The following SMCHD1 variants were observed in gnomAD, a reference collection of about 807,000 sequenced individuals.
SMCHD1 encodes the protein structural maintenance of chromosomes flexible hinge domain containing 1.
SMCHD1 carries 78 observed loss-of-function variants against 254.7 expected under a neutral mutation model. The ratio of observed to expected loss-of-function variants is 0.31; its 90% CI spans 0.26 to 0.37. The LOEUF (loss-of-function observed/expected upper bound fraction) is 0.37. Among genes scored for constraint, SMCHD1 ranks in the 10% least tolerant of loss-of-function variants. The probability of loss-of-function intolerance (pLI) is 1.00; values close to 1 mark genes in which losing one functional copy is unlikely to be tolerated. For synonymous variants in SMCHD1, 766 were observed against 794.9 expected (o/e 0.96, Z 0.61); for missense variants, 1,840 against 2,408.1 (o/e 0.76, Z 4.94).
intron 29 of SMCHD1, among the ~76,000 whole-genome samples, chr18:2,745,070 T>C (rs2075425522): frequency 6.6e-6 from 1 of 152,242 alleles, no homozygotes; most frequent in Non-Finnish European, 1.5e-5. Flanking sequence ...CTCAAACTCC[T>C]GACCTCAGGC....
intron 34 of SMCHD1, among the ~76,000 whole-genome samples, chr18:2,754,653 AGTGCAGTGGTTT>A (rs1053598487): frequency 6.6e-6 from 1 of 152,172 alleles, no homozygotes; most frequent in Non-Finnish European, 1.5e-5. Flanking sequence ...AAACCATATT[AGTGCAGTGGTTT>A]AGGCAATGTG....
At chr18:2,797,930 A>G (rs1367396701) in intron 47 of SMCHD1, among the ~76,000 whole-genome samples, 6 of 152,212 alleles carry the variant, frequency 3.9e-5, no homozygotes, top group Admixed American at 3.9e-4. Context: ...AAAAAAAGAA[A>G]GAAAATAGGG....
chr18:2,775,783 C>G lies in SMCHD1; in HGVS notation c.5225C>G (p.Ser1742Cys). The G allele has an allele frequency of 6.2e-7, 1 of 1,613,468 alleles. No homozygotes were observed. The highest frequency in any genetic ancestry group is 8.5e-7 in the Non-Finnish European group (1 of 1,179,696). The change falls in exon 42 of 48, where the codon TCT (serine) becomes TGT (cysteine). Residue 1742 changes from serine (S) to cysteine (C), a missense_variant. This residue lies in a region of SMCHD1 where 114 missense variants were observed against 217.6 expected (regional missense o/e 0.52). Transcript: ENST00000320876. Reference sequence around the variant, plus strand: ...GATGATAGAGCTGCGATGGTTATTTCTTGGCATCTGGCAAGTGACATGGAC... The same window carrying G: ...GATGATAGAGCTGCGATGGTTATTTGTTGGCATCTGGCAAGTGACATGGAC... ...IEDDRAAMVI[S>C]WHLASDMDCV... is the part of the protein sequence containing the mutation.
At chr18:2,780,852 T>A (rs2076147023) in intron 44 of SMCHD1, among the ~76,000 whole-genome samples, 1 of 152,180 alleles carries the variant, frequency 6.6e-6, no homozygotes. Context: ...CACAGTGCAC[T>A]GAGGGTTATA....
chr18:2,673,354 G>T lies in SMCHD1; in HGVS notation c.498G>T (p.Gln166His). ...GTAACATTGGGGTTAGAAGAATACA[G>T]ATCAAATTGGTAAGGAAATAATACT... ...TSRNIGVRRI[Q>H]IKLLFDETQG... is the part of the protein sequence containing the mutation. The change falls in exon 4 of 48, where the codon CAG becomes CAT. Residue 166 changes from glutamine to histidine, a missense_variant. Physicochemically the swap from Gln to His is conservative, Grantham distance 24. Coordinates refer to ENST00000320876, the MANE Select transcript of SMCHD1 (RefSeq NM_015295.3). 6.6e-7 allele frequency: 1 copy of T among 1,525,920 alleles called. No individual in the cohort carries two copies. The highest frequency in any genetic ancestry group is 8.9e-7 in the Non-Finnish European group (1 of 1,124,188). The allele number at this position is 1,525,920 out of a possible 1,614,324, so 94.5% of individuals were successfully genotyped here. A position where few individuals can be genotyped will look rare whatever the true frequency, so the allele number is the denominator to read the frequency against.
chr18:2,668,486 C>T (rs2073500003), intron 3 of SMCHD1, among the ~76,000 whole-genome samples: 1 of 152,064 alleles, frequency 6.6e-6, no homozygotes, highest in East Asian at 1.9e-4. Flanking sequence ...GTAGTGGAGC[C>T]AGCATTTAAA....
Position 2,762,125 on chromosome 18 carries a change from T to G in SMCHD1, c.4455T>G (p.Pro1485=). The change falls in exon 36 of 48, where the codon CCT becomes CCG. Residue 1485 remains proline (P), a synonymous_variant. Transcript: ENST00000320876. ...NSEQVIVEVL[P]NQPVKLVPKI... is the part of the protein sequence containing the mutation. ...GTAAGGTTATAGTTGAAGTCCTGCCTAATCAACCTGTGAAGTTAGTACCTA... is the reference window on the plus strand; with the variant it reads ...GTAAGGTTATAGTTGAAGTCCTGCCGAATCAACCTGTGAAGTTAGTACCTA... 1 of 1,613,578 alleles carries G rather than the reference T, an allele frequency of 6.2e-7. No homozygotes were observed. The highest frequency in any genetic ancestry group is 8.5e-7 in the Non-Finnish European group (1 of 1,179,560).
Position 2,729,351 on chromosome 18 carries a change from C to T in SMCHD1, c.2990C>T (p.Ala997Val). The change falls in exon 24 of 48, where the codon GCA becomes GTA. Residue 997 changes from alanine to valine, a missense_variant. Physicochemically the swap from Ala to Val is moderately conservative, Grantham distance 64 (BLOSUM62 0). Coordinates refer to ENST00000320876, the MANE Select transcript of SMCHD1 (RefSeq NM_015295.3). ...GGAACCAGTATTTTAACAGGATCTG[C>T]AATTCAAGTTCAGAATATTAAAAAA... ...SSGTSILTGS[A>V]IQVQNIKKDQ... 6.4e-7 allele frequency: 1 copy of T among 1,557,404 alleles called. No individual in the cohort carries two copies. The highest frequency in any genetic ancestry group is 8.7e-7 in the Non-Finnish European group (1 of 1,150,658).
intron 5 of SMCHD1, among the ~76,000 whole-genome samples, chr18:2,684,699 C>CTGTGTGTGTGTG (rs1568133305): frequency 3.6e-4 from 11 of 30,264 alleles, no homozygotes; most frequent in Non-Finnish European, 1.0e-3. Context: ...ATTGCAGATT[C>CTGTGTGTGTGTG]AGTGTGTGTG....
At chr18:2,687,899 G>C (rs2074088237) in intron 5 of SMCHD1, among the ~76,000 whole-genome samples, 1 of 152,118 alleles carries the variant, frequency 6.6e-6, no homozygotes, top group African/African-American at 2.4e-5. Context: ...TGTCCCCGGA[G>C]ACTTTGCCTA....
intron 17 of SMCHD1, among the ~76,000 whole-genome samples, chr18:2,708,867 C>CATATATATATATATATATATATATAT (rs763226355): frequency 1.2e-4 from 1 of 8,294 alleles, no homozygotes; most frequent in African/African-American, 4.0e-4. Context: ...TCAATAACTT[C>CATATATATATATATATATATATATAT]ATATATATAT....
At chr18:2,734,440 C>A (rs1442140485) in intron 25 of SMCHD1, among the ~76,000 whole-genome samples, 1 of 152,058 alleles carries the variant, frequency 6.6e-6, no homozygotes, top group Non-Finnish European at 1.5e-5. Context: ...CTGTGCACTT[C>A]TTCATTGACA....
chr18:2,769,624 T>C (rs983844152), intron 37 of SMCHD1, 70 bp from the exon 38 acceptor site: 65 of 1,478,810 alleles, frequency 4.4e-5, no homozygotes, highest in Non-Finnish European at 5.4e-5. Flanking sequence ...TAATGAGTTA[T>C]GTAACATTTA....
chr18:2,763,866 T>C, intron 37 of SMCHD1, 77 bp downstream of exon 37: 1 of 1,320,800 alleles, frequency 7.6e-7, no homozygotes. Context: ...ACACCTTTTC[T>C]TTTGTATAGC....
Position 2,775,937 on chromosome 18 carries a change from T to C in SMCHD1, c.5366+13T>C. ...CAGATTGGAAAAGGTTAGAAAAAAG[T>C]GAAAGTAATTTTTTTTCTGAAATAT... On this transcript the variant is annotated intron_variant, in intron 42 of 47. Transcript: ENST00000320876. 6.5e-7 allele frequency: 1 copy of C among 1,549,784 alleles called. No homozygotes were observed. The highest frequency in any genetic ancestry group is 8.6e-7 in the Non-Finnish European group (1 of 1,157,378).
At chr18:2,782,274 TAGTG>T (rs915038112) in intron 44 of SMCHD1, among the ~76,000 whole-genome samples, 3 of 152,174 alleles carry the variant, frequency 2.0e-5, no homozygotes, top group Non-Finnish European at 4.4e-5. Context: ...ATAGTGTACT[TAGTG>T]AGGTAGAATC....
At chr18:2,770,209 G>A (rs2075953267) in intron 39 of SMCHD1, 101 bp downstream of exon 39, 1 of 1,194,602 alleles carries the variant, frequency 8.4e-7, no homozygotes, top group East Asian at 2.8e-5. Flanking sequence ...TAAATTACAA[G>A]TAAAATACAG....
intron 5 of SMCHD1, among the ~76,000 whole-genome samples, chr18:2,686,295 A>G (rs1377405632): frequency 6.6e-6 from 1 of 152,202 alleles, no homozygotes; most frequent in Non-Finnish European, 1.5e-5. Context: ...TGCTGCTGGA[A>G]CATTTCAGAT....
At position 2,780,126 on chromosome 18, in the gene SMCHD1, G is replaced by A. The variant is rs141155362; in HGVS notation, c.5547+1887G>A. On this transcript the variant is annotated intron_variant, in intron 44 of 47. Coordinates refer to ENST00000320876, the MANE Select transcript of SMCHD1 (RefSeq NM_015295.3). ...TGGTGGCAGGCACCTGTAATCCCAG[G>A]TACTTAGGAGGCTGAGGCAGGAGAA... is the stretch of plus-strand genomic sequence containing the variant. Among the ~76,000 whole-genome samples, 854 of 149,856 alleles carry A rather than the reference G, an allele frequency of 5.7e-3. 4 individuals carry two copies. The highest frequency in any genetic ancestry group is 0.011 in the Admixed American group (163 of 14,884).
Sources: gnomAD v4.1 joint callset for allele counts (sites outside exome capture counted in the v4.1 genomes callset) on GRCh38, gnomAD v4.1.1 for gene constraint, gnomAD v4.1.1 regional missense constraint, MANE v1.5 for transcripts, NCBI Gene and HGNC (gene_info 2026-07-23, HGNC 2026-07-21) for gene names.